IBTK: variants seen among roughly 807,000 people sequenced by gnomAD.
IBTK encodes inhibitor of Bruton tyrosine kinase.
In IBTK, 83 loss-of-function variants were observed where a neutral mutation model predicts 154.9. That is an observed-to-expected ratio of 0.54 (90% CI 0.45 to 0.64). The LOEUF is 0.64. Ranked by LOEUF, IBTK falls within the 30% of genes least tolerant of loss-of-function variation. IBTK has a pLI of 0.00. For missense variants in IBTK, 1,332 were observed against 1,584.6 expected (o/e 0.84, Z 2.71); for synonymous variants, 515 against 536.1 (o/e 0.96, Z 0.54).
intron 5 of IBTK, 76 bp downstream of exon 5, chr6:82,227,116 A>T (rs762386199): frequency 6.1e-6 from 6 of 985,126 alleles, no homozygotes; most frequent in South Asian, 5.9e-5. Context: ...TGAAAAAAAA[A>T]TTTAGTTAAT....
intron 26 of IBTK, among the ~76,000 whole-genome samples, chr6:82,179,265 G>C (rs1264970989): frequency 1.3e-5 from 2 of 152,188 alleles, no homozygotes; most frequent in African/African-American, 4.8e-5. Context: ...ATTTACTGAG[G>C]AAGAAGATTC....
chr6:82,194,387 T>G, intron 23 of IBTK, 92 bp downstream of exon 23: 1 of 883,846 alleles, frequency 1.1e-6, no homozygotes. Flanking sequence ...ATATTAATAT[T>G]TCTTAAATGT....
At chr6:82,194,230 T>A (rs1022768081) in intron 23 of IBTK, among the ~76,000 whole-genome samples, 4 of 152,118 alleles carry the variant, frequency 2.6e-5, no homozygotes, top group Non-Finnish European at 4.4e-5. Context: ...TTTCTCTCTA[T>A]ATACGTAAAA....
At chr6:82,243,065 C>A (rs1186037254) in intron 1 of IBTK, among the ~76,000 whole-genome samples, 1 of 151,788 alleles carries the variant, frequency 6.6e-6, no homozygotes, top group Non-Finnish European at 1.5e-5. Flanking sequence ...CACGGTGAAA[C>A]CTCGTCTCTA....
Position 82,238,467 on chromosome 6 carries a change from G to A in IBTK, c.321+1699C>T, listed in dbSNP as rs369745755. On this transcript the variant is annotated intron_variant, in intron 2 of 28. Coordinates refer to ENST00000306270, the MANE Select transcript of IBTK (RefSeq NM_015525.4). ...ATGATTTTTTTTTTGAGATGGAGTCGTCCTCGGTTGCCCAGGCTGAAGTAC... is the reference window on the plus strand; with the variant it reads ...ATGATTTTTTTTTTGAGATGGAGTCATCCTCGGTTGCCCAGGCTGAAGTAC... Among the ~76,000 whole-genome samples, 7 of 151,372 alleles carry A rather than the reference G, an allele frequency of 4.6e-5. No homozygotes were observed. The East Asian group carries it at 5.9e-4, about 13-fold the overall frequency.
intron 26 of IBTK, among the ~76,000 whole-genome samples, chr6:82,177,170 C>T (rs905909821): frequency 7.9e-5 from 12 of 151,848 alleles, no homozygotes; most frequent in African/African-American, 2.4e-4. Context: ...TTTAATACTT[C>T]CATATTGTAT....
chr6:82,240,972 G>GAA (rs1770926383), intron 1 of IBTK, 129 bp from the exon 2 acceptor site: 2 of 395,052 alleles, frequency 5.1e-6, no homozygotes, highest in South Asian at 2.8e-4. Context: ...TCCATTACTG[G>GAA]AACACTAAGC....
intron 20 of IBTK, 113 bp downstream of exon 20, chr6:82,200,474 T>C: frequency 9.7e-7 from 1 of 1,025,820 alleles, no homozygotes; most frequent in Non-Finnish European, 1.4e-6. Flanking sequence ...CTCAATTTCA[T>C]CTTCCAATAC....
chr6:82,234,924 G>A (rs536680255), intron 2 of IBTK, among the ~76,000 whole-genome samples: 4 of 151,872 alleles, frequency 2.6e-5, no homozygotes, highest in East Asian at 2.0e-4. Context: ...GCAAAGGCAC[G>A]ATCTCAGTTC....
intron 10 of IBTK, 71 bp downstream of exon 10, chr6:82,217,889 G>A: frequency 9.7e-7 from 1 of 1,032,000 alleles, no homozygotes; most frequent in Non-Finnish European, 1.4e-6. Flanking sequence ...CTTGTCAGTT[G>A]AACCTAATAC....
chr6:82,237,643 G>GA (rs1479540276), intron 2 of IBTK, among the ~76,000 whole-genome samples: 1 of 142,950 alleles, frequency 7.0e-6, no homozygotes, highest in Non-Finnish European at 1.5e-5. Context: ...AGTAGTAGTA[G>GA]TAGTAGAAGA....
Position 82,172,360 on chromosome 6 carries a change from C to G in IBTK, c.3930+20G>C. On this transcript the variant is annotated intron_variant, in intron 28 of 28. Coordinates refer to ENST00000306270, the MANE Select transcript of IBTK (RefSeq NM_015525.4). Reference sequence around the variant, plus strand: ...ATGTAGTTCTTCTCTAAATTAAACCCTACTAAGTATGTTATTTACCTGAAT... The same window carrying G: ...ATGTAGTTCTTCTCTAAATTAAACCGTACTAAGTATGTTATTTACCTGAAT... 1 of 1,608,040 alleles carries G rather than the reference C, an allele frequency of 6.2e-7. No homozygotes were observed. Among genetic ancestry groups the G allele is most frequent in the Non-Finnish European group, 8.5e-7 (1 of 1,177,752 alleles).
chr6:82,194,334 C>T, intron 23 of IBTK, 145 bp downstream of exon 23: 1 of 648,006 alleles, frequency 1.5e-6, no homozygotes, highest in Non-Finnish European at 2.3e-6. Context: ...AGCTGGTTAG[C>T]AATTTGTAGG....
At chr6:82,203,522 A>C (rs993789609) in intron 17 of IBTK, among the ~76,000 whole-genome samples, 1 of 152,176 alleles carries the variant, frequency 6.6e-6, no homozygotes, top group Non-Finnish European at 1.5e-5. Context: ...ATTTTCAACT[A>C]ATGATGAACA....
Position 82,194,624 on chromosome 6 carries a change from C to T in IBTK, c.3193G>A (p.Val1065Ile), listed in dbSNP as rs12662902. 2 of 1,586,274 alleles carry T rather than the reference C, an allele frequency of 1.3e-6. No individual in the cohort carries two copies. The highest frequency in any genetic ancestry group is 1.8e-5 in the Admixed American group (1 of 55,746). ...DKIEAKVKPY[V>I]NGTSPVYSRE... ...GAATACACAGGAGATGTACCATTAA[C>T]ATACGGTTTGACTTTCGCCTGGGGA... Residue 1065 changes from valine (V) to isoleucine (I), a missense_variant, in exon 23 of 29, where the codon GTT (valine) becomes ATT (isoleucine). By Grantham distance (29) the Val-to-Ile change is conservative. Coordinates refer to ENST00000306270, the MANE Select transcript of IBTK (RefSeq NM_015525.4).
intron 1 of IBTK, among the ~76,000 whole-genome samples, chr6:82,241,916 AT>A (rs1770968306): frequency 6.6e-6 from 1 of 152,178 alleles, no homozygotes; most frequent in South Asian, 2.1e-4. Flanking sequence ...CTAAATCTGT[AT>A]TTTTCCACTC....
rs979398267 is a variant in IBTK at position 82,181,883 on chromosome 6, C to G, written c.3721G>C (p.Val1241Leu). The change falls in exon 26 of 29, where the codon GTC becomes CTC. Residue 1241 changes from valine to leucine, a missense_variant. Val to Leu is a conservative substitution (Grantham distance 32, BLOSUM62 1). Around this residue, in one of 3 missense-constraint regions of IBTK, gnomAD observed 1,134 missense variants for 1,274.7 expected, o/e 0.89. Transcript: ENST00000306270. ...GTTTTAAGTTTGTTTTATTACCTGA[C>G]AATTTTTGGTGCCTGAGAATTTTCA... Reference protein sequence around the residue: ...GIENSQAPKIVRCSTHGTPGP... With the variant: ...GIENSQAPKILRCSTHGTPGP... 3 of 1,572,126 alleles carry G rather than the reference C, an allele frequency of 1.9e-6. No individual in the cohort carries two copies.
intron 7 of IBTK, 50 bp from the exon 8 acceptor site, chr6:82,223,670 C>A: frequency 6.7e-7 from 1 of 1,495,148 alleles, no homozygotes; most frequent in South Asian, 1.2e-5. Flanking sequence ...TTTTAAGAGT[C>A]CTATTTAGCC....
At chr6:82,206,070 G>A (rs1268480529) in intron 16 of IBTK, 1 of 152,110 alleles carries the variant, frequency 6.6e-6, no homozygotes, top group Non-Finnish European at 1.5e-5. Context: ...TCAGCCAAAA[G>A]CTTATAATAA....
Sources: allele counts gnomAD v4.1 joint callset (sites outside exome capture counted in the v4.1 genomes callset), GRCh38; gene constraint gnomAD v4.1.1; regional missense constraint gnomAD v4.1.1; transcripts MANE v1.5; gene names NCBI Gene and HGNC (gene_info 2026-07-23, HGNC 2026-07-21).